The following LRRK2 variants were observed in gnomAD, a reference collection of about 807,000 sequenced individuals.
LRRK2 encodes the protein leucine-rich repeat serine/threonine-protein kinase 2.
A neutral mutation model predicts 302.6 loss-of-function variants in LRRK2; 203 were observed. The observed-to-expected ratio is 0.67, with a 90% CI of 0.60 to 0.75. The LOEUF (loss-of-function observed/expected upper bound fraction) is 0.75, where lower values mean the gene tolerates loss of function less well. LRRK2 is among the 30% of genes least tolerant of loss of function. The pLI is 0.00. For synonymous variants in LRRK2, 1,066 were observed against 1,031.9 expected (o/e 1.03, Z -0.63); for missense variants, 2,830 against 2,951.0 (o/e 0.96, Z 0.95).
chr12:40,303,867 TG>T, intron 26 of LRRK2, 80 bp from the exon 27 acceptor site: 2 of 1,371,190 alleles, frequency 1.5e-6, no homozygotes, highest in Non-Finnish European at 2.1e-6. Context: ...ATTCTCACCC[TG>T]GGGAAAATTA....
chr12:40,351,229 GA>G lies in LRRK2; in HGVS notation c.6382-308del, dbSNP rs1946342571. Among the ~76,000 whole-genome samples, 4 of 152,246 alleles carry G rather than the reference GA, an allele frequency of 2.6e-5. 1 individual carries two copies. The South Asian group carries it at 8.3e-4, about 32-fold the overall frequency. ...TCACTGGCGGTGGCTCTGCAATATA[GA>G]ATTGCATGCAGAGTACCTCCTGACT... On this transcript the variant is annotated intron_variant, in intron 43 of 50. Coordinates refer to ENST00000298910, the MANE Select transcript of LRRK2 (RefSeq NM_198578.4).
chr12:40,315,603 T>C (rs542195149), intron 33 of LRRK2, among the ~76,000 whole-genome samples: 1 of 152,084 alleles, frequency 6.6e-6, no homozygotes, highest in Non-Finnish European at 1.5e-5. Flanking sequence ...AATTAGTCAA[T>C]TGAATGATGG....
chr12:40,361,371 T>A (rs188918084), intron 47 of LRRK2, among the ~76,000 whole-genome samples: 142 of 152,246 alleles, frequency 9.3e-4, no homozygotes, highest in Non-Finnish European at 1.7e-3. Context: ...TAATTTTAGA[T>A]TCCAGGAATA....
intron 37 of LRRK2, 134 bp from the exon 38 acceptor site, chr12:40,323,026 A>G (rs1258976417): frequency 6.8e-6 from 5 of 734,426 alleles, no homozygotes; most frequent in Non-Finnish European, 1.1e-5. Context: ...TTCCTAGAGA[A>G]ATATAGGATT....
At position 40,308,693 on chromosome 12, in the gene LRRK2, G is replaced by T. The variant is rs200791042; in HGVS notation, c.4186G>T (p.Ala1396Ser). The T allele has an allele frequency of 1.2e-6, 2 of 1,613,200 alleles. No homozygotes were observed. The highest frequency in any genetic ancestry group is 1.7e-6 in the Non-Finnish European group (2 of 1,179,476). The part of the protein sequence containing the change: ...RDLVLNVWDF[A>S]GREEFYSTHP... The stretch of plus-strand genomic sequence containing the variant: ...TCTCGTCCTAAATGTGTGGGATTTT[G>T]CAGGTATTTCTTTCTATAGAATTTT... Residue 1396 changes from alanine to serine, a missense_variant, in exon 29 of 51, where the codon GCA (alanine) becomes TCA (serine). Physicochemically the swap from Ala to Ser is moderately conservative, Grantham distance 99. Transcript: ENST00000298910.
intron 2 of LRRK2, among the ~76,000 whole-genome samples, chr12:40,228,341 T>C (rs1304516927): frequency 2.0e-5 from 3 of 151,992 alleles, no homozygotes; most frequent in Non-Finnish European, 2.9e-5. Flanking sequence ...ATTAGTGAAG[T>C]TTAGGATTTT....
intron 38 of LRRK2, 78 bp downstream of exon 38, chr12:40,323,384 T>C: frequency 8.1e-7 from 1 of 1,235,764 alleles, no homozygotes; most frequent in Non-Finnish European, 1.2e-6. Context: ...GATTTCATAA[T>C]TATATTGTCA....
Position 40,367,800 on chromosome 12 carries a change from T to A in LRRK2, c.*35T>A, listed in dbSNP as rs772384656. The A allele has an allele frequency of 6.3e-7, 1 of 1,585,564 alleles. No homozygotes were observed. ...AGGAATTGTCTTTGGATAGGAAAATTATTCTCTCCTCTTGTAAATATTTAT... is the reference window on the plus strand; with the variant it reads ...AGGAATTGTCTTTGGATAGGAAAATAATTCTCTCCTCTTGTAAATATTTAT... On this transcript the variant is annotated 3_prime_UTR_variant, in exon 51 of 51. Transcript: ENST00000298910.
Position 40,308,492 on chromosome 12 carries a change from G to A in LRRK2, c.3985G>A (p.Ala1329Thr). 6.2e-7 allele frequency: 1 copy of A among 1,613,676 alleles called. No individual in the cohort carries two copies. The highest frequency in any genetic ancestry group is 8.5e-7 in the Non-Finnish European group (1 of 1,179,868). ...IRFLQQRLKK[A>T]VPYNRMKLMI... ...GTTTCTTCAACAGCGATTAAAAAAG[G>A]CTGTGCCTTATAACCGAATGAAACT... The change falls in exon 29 of 51, where the codon GCT (alanine) becomes ACT (threonine). Residue 1329 changes from alanine to threonine, a missense_variant. Around this residue, in one of 3 missense-constraint regions of LRRK2, gnomAD observed 2,121 missense variants for 2,148.0 expected, o/e 0.99. Coordinates refer to ENST00000298910, the MANE Select transcript of LRRK2 (RefSeq NM_198578.4).
chr12:40,277,503 T>C (rs1019155916), intron 16 of LRRK2, among the ~76,000 whole-genome samples: 4 of 152,180 alleles, frequency 2.6e-5, no homozygotes, highest in African/African-American at 9.7e-5. Context: ...ATACAAATTT[T>C]TACTCTATTG....
At chr12:40,270,283 A>G (rs1943178615) in intron 14 of LRRK2, among the ~76,000 whole-genome samples, 1 of 152,138 alleles carries the variant, frequency 6.6e-6, no homozygotes, top group Non-Finnish European at 1.5e-5. Flanking sequence ...AATTAACTCC[A>G]CATTGGCAGG....
chr12:40,298,815 T>C (rs1224754624), intron 24 of LRRK2, among the ~76,000 whole-genome samples: 1 of 91,502 alleles, frequency 1.1e-5, no homozygotes, highest in African/African-American at 4.1e-5. Context: ...TGTATTATAA[T>C]ATATAATACA....
intron 50 of LRRK2, 198 bp downstream of exon 50, chr12:40,367,275 C>T (rs983952008): frequency 3.5e-5 from 19 of 535,724 alleles, no homozygotes; most frequent in African/African-American, 3.3e-4. Flanking sequence ...TTTATATTTT[C>T]AGCTGAAGTA....
intron 31 of LRRK2, 136 bp from the exon 32 acceptor site, chr12:40,313,836 T>G: frequency 1.5e-6 from 1 of 679,784 alleles, no homozygotes; most frequent in East Asian, 2.8e-5. Flanking sequence ...TTTTATTATA[T>G]TTTGATTTTA....
chr12:40,281,930 G>C (rs554793995), intron 18 of LRRK2, among the ~76,000 whole-genome samples: 1 of 152,224 alleles, frequency 6.6e-6, no homozygotes, highest in East Asian at 1.9e-4. Flanking sequence ...ACAAAGTAAG[G>C]AGTGAATGGC....
chr12:40,287,393 T>G lies in LRRK2; in HGVS notation c.2543T>G (p.Met848Arg), dbSNP rs1263432754. The change falls in exon 20 of 51, where the codon ATG (methionine) becomes AGG (arginine). Residue 848 changes from methionine (M) to arginine (R), a missense_variant. Met to Arg is a moderately conservative substitution (Grantham distance 91). Coordinates refer to ENST00000298910, the MANE Select transcript of LRRK2 (RefSeq NM_198578.4). The part of the protein sequence containing the change: ...TLARMVIRYQ[M>R]KSAVEEGTAS... ...GCAAGAATGGTGATCAGATATCAGATGAAAAGTGCTGTGGAAGAAGGAACA... is the reference window on the plus strand; with the variant it reads ...GCAAGAATGGTGATCAGATATCAGAGGAAAAGTGCTGTGGAAGAAGGAACA... The G allele has an allele frequency of 3.1e-6, 5 of 1,612,614 alleles. No homozygotes were observed. Among genetic ancestry groups the G allele is most frequent in the African/African-American group, 1.3e-5 (1 of 74,858 alleles).
intron 16 of LRRK2, among the ~76,000 whole-genome samples, chr12:40,277,293 A>G (rs1416968612): frequency 6.6e-6 from 1 of 152,218 alleles, no homozygotes; most frequent in Non-Finnish European, 1.5e-5. Context: ...GGTGGTTCTA[A>G]AAAAGTAACG....
rs776217233 is a variant in LRRK2 at position 40,354,370 on chromosome 12, G to C, written c.6648G>C (p.Val2216=). The change falls in exon 45 of 51, where the codon GTG becomes GTC. Residue 2216 remains valine (V), a synonymous_variant. Coordinates refer to ENST00000298910, the MANE Select transcript of LRRK2 (RefSeq NM_198578.4). ...CTGTTGAAAAGGAAAGCTGGATTGT[G>C]TCTGGGACACAGTCTGGTACTCTCC... ...HLPVEKESWI[V]SGTQSGTLLV... 4 of 1,614,028 alleles carry C rather than the reference G, an allele frequency of 2.5e-6. No homozygotes were observed. Among genetic ancestry groups the C allele is most frequent in the Admixed American group, 1.7e-5 (1 of 60,010 alleles).
rs1050783706 is a variant in LRRK2 at position 40,314,191 on chromosome 12, C to G, written c.4738+18C>G. ...TGAATCAGGTTTGTGTTTTTCGTTCCTTATTTTCAAAGCTCAGCTGTAGTA... is the reference window on the plus strand; with the variant it reads ...TGAATCAGGTTTGTGTTTTTCGTTCGTTATTTTCAAAGCTCAGCTGTAGTA... On this transcript the variant is annotated intron_variant, in intron 32 of 50. Transcript: ENST00000298910. The G allele has an allele frequency of 4.4e-6, 7 of 1,608,698 alleles. No individual in the cohort carries two copies. The highest frequency in any genetic ancestry group is 6.0e-6 in the Non-Finnish European group (7 of 1,175,942).
Sources: gnomAD v4.1 joint callset for allele counts (sites outside exome capture counted in the v4.1 genomes callset) on GRCh38, gnomAD v4.1.1 for gene constraint, gnomAD v4.1.1 regional missense constraint, MANE v1.5 for transcripts, NCBI Gene and HGNC (gene_info 2026-07-23, HGNC 2026-07-21) for gene names.